DIAPH2: variants seen among roughly 807,000 people sequenced by gnomAD.
DIAPH2 encodes diaphanous related formin 2.
A neutral mutation model predicts 92.7 loss-of-function variants in DIAPH2; 35 were observed. The observed-to-expected ratio is 0.38, with a 90% CI of 0.29 to 0.50. The LOEUF (loss-of-function observed/expected upper bound fraction) is 0.50, where lower values mean the gene tolerates loss of function less well. DIAPH2 is among the 20% of genes least tolerant of loss of function. The pLI is 0.94. For missense variants in DIAPH2, 701 were observed against 819.5 expected (o/e 0.86, Z 1.77); for synonymous variants, 301 against 280.4 (o/e 1.07, Z -0.73).
intron 26 of DIAPH2, among the ~76,000 whole-genome samples, chrX:97,476,978 T>TAA (rs1165675546): frequency 1.4e-5 from 1 of 70,487 alleles, no homozygotes; most frequent in African/African-American, 6.5e-5. Flanking sequence ...AATATATATA[T>TAA]ATATATACAC....
intron 26 of DIAPH2, among the ~76,000 whole-genome samples, chrX:97,515,240 A>G (rs1400131631): frequency 8.9e-6 from 1 of 112,539 alleles, no homozygotes; most frequent in African/African-American, 3.2e-5. Context: ...CCGTCGGAAA[A>G]GCGCAGTATT....
intron 22 of DIAPH2, among the ~76,000 whole-genome samples, chrX:97,195,370 G>C (rs2067692652): frequency 9.0e-6 from 1 of 111,289 alleles, no homozygotes; most frequent in Non-Finnish European, 1.9e-5. Context: ...ATTAAAAGTG[G>C]ATAGATTAGG....
chrX:97,097,778 CA>C lies in DIAPH2; in HGVS notation c.2248-1907del, dbSNP rs199799302. Among the ~76,000 whole-genome samples the C allele has an allele frequency of 3.8e-4, 41 of 108,407 alleles. 1 individual carries two copies. The highest frequency in any genetic ancestry group is 4.9e-4 in the Admixed American group (5 of 10,162). The allele number at this position is 108,407 out of a possible 115,157, so 94.1% of individuals were successfully genotyped here. A position where few individuals can be genotyped will look rare whatever the true frequency, so the allele number is the denominator to read the frequency against. ...TTCTTAATAACATACATACTTCACA[CA>C]AAAAAAAATCAATAGAAACAGTTTT... On this transcript the variant is annotated intron_variant, in intron 19 of 26. Transcript: ENST00000324765.
chrX:96,890,661 G>A (rs774903278), intron 5 of DIAPH2, among the ~76,000 whole-genome samples: 2 of 110,990 alleles, frequency 1.8e-5, no homozygotes, highest in Non-Finnish European at 1.9e-5. Context: ...ACACACATAC[G>A]TATACATACT....
chrX:97,213,830 T>C (rs1446612795), intron 22 of DIAPH2, among the ~76,000 whole-genome samples: 1 of 112,155 alleles, frequency 8.9e-6, no homozygotes, highest in Non-Finnish European at 1.9e-5. Context: ...ATCCTACACA[T>C]AGTAAGGGAA....
At chrX:97,009,121 C>A (rs963698748) in intron 17 of DIAPH2, among the ~76,000 whole-genome samples, 8 of 110,371 alleles carry the variant, frequency 7.2e-5, no homozygotes, top group Non-Finnish European at 1.5e-4. Flanking sequence ...GAGAGCCGAG[C>A]TGGGTCCCAA....
chrX:96,935,409 T>A (rs1195581210), intron 10 of DIAPH2, among the ~76,000 whole-genome samples: 2 of 111,452 alleles, frequency 1.8e-5, no homozygotes, highest in Admixed American at 9.6e-5. Flanking sequence ...ATTGATAGGA[T>A]CTTGCGAACT....
At chrX:97,033,343 C>T (rs185192172) in intron 17 of DIAPH2, among the ~76,000 whole-genome samples, 38 of 111,381 alleles carry the variant, frequency 3.4e-4, no homozygotes, top group Non-Finnish European at 6.8e-4. Context: ...AAGATAATAG[C>T]GTCAGAGATC....
chrX:97,467,531 T>A (rs1416298621), intron 26 of DIAPH2, among the ~76,000 whole-genome samples: 1 of 112,254 alleles, frequency 8.9e-6, no homozygotes, highest in Non-Finnish European at 1.9e-5. Flanking sequence ...CCTGAATCAT[T>A]CCTGCCCCAG....
At chrX:96,814,007 G>T (rs1020518486) in intron 4 of DIAPH2, among the ~76,000 whole-genome samples, 26 of 110,665 alleles carry the variant, frequency 2.3e-4, no homozygotes, top group Non-Finnish European at 4.3e-4. Context: ...GTGTCTTGGG[G>T]TTGCTCTTCT....
At chrX:97,132,349 C>T (rs2067143552) in intron 21 of DIAPH2, among the ~76,000 whole-genome samples, 1 of 111,576 alleles carries the variant, frequency 9.0e-6, no homozygotes, top group African/African-American at 3.3e-5. Context: ...TCATGTAGTG[C>T]CCAGAAAAGC....
chrX:97,432,408 C>T (rs2070136254), intron 26 of DIAPH2, among the ~76,000 whole-genome samples: 2 of 110,738 alleles, frequency 1.8e-5, no homozygotes. Flanking sequence ...GATTCTCGTG[C>T]CTCAGCCTCT....
intron 23 of DIAPH2, among the ~76,000 whole-genome samples, chrX:97,333,405 C>T (rs1048932156): frequency 9.0e-6 from 1 of 111,395 alleles, no homozygotes; most frequent in African/African-American, 3.3e-5. Flanking sequence ...AATAGTGCTC[C>T]CTTACTTGTT....
intron 4 of DIAPH2, among the ~76,000 whole-genome samples, chrX:96,823,334 G>A (rs1051549174): frequency 3.3e-4 from 37 of 111,173 alleles, no homozygotes; most frequent in African/African-American, 1.1e-3. Flanking sequence ...GAGCATAAAT[G>A]CCCAATAATA....
At chrX:97,052,812 G>A (rs1269851677) in intron 17 of DIAPH2, among the ~76,000 whole-genome samples, 1 of 111,390 alleles carries the variant, frequency 9.0e-6, no homozygotes, top group Non-Finnish European at 1.9e-5. Flanking sequence ...GGCCTAGCAT[G>A]AGGGTTGATA....
intron 26 of DIAPH2, among the ~76,000 whole-genome samples, chrX:97,476,104 A>G (rs1186513013): frequency 1.8e-5 from 2 of 112,371 alleles, no homozygotes; most frequent in African/African-American, 6.5e-5. Context: ...TGAAATGTCC[A>G]TATTTTCTCA....
intron 8 of DIAPH2, among the ~76,000 whole-genome samples, chrX:96,917,492 A>T (rs1291409399): frequency 1.8e-5 from 2 of 111,539 alleles, no homozygotes; most frequent in East Asian, 5.6e-4. Flanking sequence ...AAAAGCAAGG[A>T]TCCTTAGGAT....
rs367706272 is a variant in DIAPH2 at position 97,599,361 on chromosome X, A to G, written c.*44A>G. On this transcript the variant is annotated 3_prime_UTR_variant, in exon 27 of 27. Coordinates refer to ENST00000324765, the MANE Select transcript of DIAPH2 (RefSeq NM_006729.5). ...ATGAAAATATTTAAGTAAAAACAAA[A>G]TGATGCATTTTGAGAAGAACAAAGT... The G allele has an allele frequency of 4.1e-6, 4 of 969,340 alleles. No individual in the cohort carries two copies. Among genetic ancestry groups the G allele is most frequent in the South Asian group, 4.2e-5 (2 of 47,318 alleles). 79.9% of individuals were successfully genotyped at this position (969,340 alleles called of 1,213,427 possible).
chrX:97,325,812 C>T (rs1466721492), intron 23 of DIAPH2, among the ~76,000 whole-genome samples: 2 of 111,519 alleles, frequency 1.8e-5, no homozygotes, highest in Non-Finnish European at 3.8e-5. Context: ...CTCCTGACCT[C>T]GTGATTCACC....
Sources: gnomAD v4.1 joint callset for allele counts (sites outside exome capture counted in the v4.1 genomes callset) on GRCh38, gnomAD v4.1.1 for gene constraint, MANE v1.5 for transcripts, NCBI Gene and HGNC (gene_info 2026-07-23, HGNC 2026-07-21) for gene names.